Variants in PEMT observed in about 807,000 individuals in gnomAD.
PEMT encodes phosphatidylethanolamine N-methyltransferase.
Under a neutral mutation model 27.4 loss-of-function variants are expected in PEMT, and 23 were observed. The observed-to-expected ratio is 0.84, with a 90% confidence interval of 0.60 to 1.19. The LOEUF is 1.19. Among genes scored for constraint, PEMT ranks in the 50% most tolerant of loss-of-function variants. The pLI, the probability that PEMT is intolerant of heterozygous loss-of-function variation, is 0.00. For missense variants in PEMT, 307 were observed against 310.1 expected (o/e 0.99, Z 0.07); for synonymous variants, 137 against 139.1 (o/e 0.98, Z 0.11).
chr17:17,591,856 C>T, upstream of PEMT: 1 of 1,364,404 alleles, frequency 7.3e-7, no homozygotes, highest in South Asian at 1.7e-5. Flanking sequence ...CAGTGTGTTT[C>T]GCCGCAGAGC....
chr17:17,537,829 G>A (rs1051819602), intron 2 of PEMT, among the ~76,000 whole-genome samples: 6 of 152,240 alleles, frequency 3.9e-5, no homozygotes, highest in Non-Finnish European at 8.8e-5. Flanking sequence ...CCAGCATGGC[G>A]TAGAAGGCAG....
At chr17:17,588,987 T>G (rs1217622766) in intron 1 of PEMT, among the ~76,000 whole-genome samples, 5 of 152,226 alleles carry the variant, frequency 3.3e-5, no homozygotes, top group Non-Finnish European at 7.3e-5. Context: ...TGAGACAGAG[T>G]TTCGCTCTTC....
At chr17:17,555,099 G>A (rs192577847) in intron 2 of PEMT, among the ~76,000 whole-genome samples, 17 of 152,194 alleles carry the variant, frequency 1.1e-4, no homozygotes, top group Admixed American at 2.6e-4. Flanking sequence ...GGATTCTCAC[G>A]ATGATCCTAC....
At chr17:17,514,240 T>A (rs528604638) in intron 3 of PEMT, among the ~76,000 whole-genome samples, 12 of 152,350 alleles carry the variant, frequency 7.9e-5, no homozygotes, top group African/African-American at 2.9e-4. Context: ...TACAGACATG[T>A]CTTTATGCCT....
In PEMT at chr17:17,522,265, G is replaced by T; in HGVS notation, c.320+15C>A. The T allele has an allele frequency of 1.3e-6, 2 of 1,581,414 alleles. No homozygotes were observed. On this transcript the variant is annotated intron_variant, in intron 3 of 6. Coordinates refer to ENST00000255389, the MANE Select transcript of PEMT (RefSeq NM_148172.3). The stretch of plus-strand genomic sequence containing the variant: ...CCCAGGGGTTGTGGCTCCCCAGTGA[G>T]AGAGCTGTGCTTACCAGTGCGAGCG...
rs181400113 is a variant in PEMT, at chr17:17,507,279, C to T, written c.579-978G>A. On this transcript the variant is annotated intron_variant, in intron 5 of 6. Coordinates refer to ENST00000255389, the MANE Select transcript of PEMT (RefSeq NM_148172.3). ...GGAGCTGTCTGGCGGGCACAGAGGG[C>T]GCATGGGCAGGCCTGGGCCAGGGGC... 478 of 1,203,232 alleles carry T rather than the reference C, an allele frequency of 4.0e-4. 8 individuals carry two copies. The East Asian group carries it at 6.7e-3, about 17-fold the overall frequency. The allele number at this position is 1,203,232 out of a possible 1,614,324, so 74.5% of individuals were successfully genotyped here.
chr17:17,550,469 A>AC (rs935128869), intron 2 of PEMT, among the ~76,000 whole-genome samples: 165 of 151,178 alleles, frequency 1.1e-3, no homozygotes, highest in African/African-American at 3.9e-3. Context: ...CTGCTTCAGG[A>AC]CCCCCCTTCC....
At chr17:17,581,530 G>C (rs185161243) in intron 1 of PEMT, among the ~76,000 whole-genome samples, 6 of 152,326 alleles carry the variant, frequency 3.9e-5, no homozygotes, top group Non-Finnish European at 2.9e-5. Context: ...GGGAAAGTGA[G>C]CAAGAAATAT....
In PEMT at chr17:17,591,520, G is replaced by A. The variant is rs1385088353; in HGVS notation, c.96+11C>T. The A allele has an allele frequency of 6.9e-6, 11 of 1,600,270 alleles. No homozygotes were observed. Among genetic ancestry groups the A allele is most frequent in the Non-Finnish European group, 9.4e-6 (11 of 1,169,606 alleles). On this transcript the variant is annotated intron_variant, in intron 1 of 6. Transcript: ENST00000255389. ...CTCCCAGTTTCCGCGGCGGTCCGGT[G>A]CGGTCAGTACCTGTCTAAAATCAAT...
intron 2 of PEMT, among the ~76,000 whole-genome samples, chr17:17,559,441 G>A (rs1179793354): frequency 1.3e-5 from 2 of 152,228 alleles, no homozygotes; most frequent in Non-Finnish European, 2.9e-5. Context: ...GCCCCTCAGA[G>A]GCCTGTCGGG....
In PEMT at chr17:17,585,910, G is replaced by T. The variant is rs548279066; in HGVS notation, c.96+5621C>A. Among the ~76,000 whole-genome samples, 11 of 151,608 alleles carry T rather than the reference G, an allele frequency of 7.3e-5. No individual in the cohort carries two copies. The South Asian group carries it at 2.3e-3, about 32-fold the overall frequency. On this transcript the variant is annotated intron_variant, in intron 1 of 6. Coordinates refer to ENST00000255389, the MANE Select transcript of PEMT (RefSeq NM_148172.3). ...ATCCTGGCTAACACGGTGAAACCCC[G>T]TCTCTACTAAAAAATTAAAAAAATT...
At chr17:17,544,823 T>A (rs1597912971) in intron 2 of PEMT, among the ~76,000 whole-genome samples, 1 of 152,088 alleles carries the variant, frequency 6.6e-6, no homozygotes, top group Non-Finnish European at 1.5e-5. Context: ...CCATCATCCA[T>A]GTGTGAAATT....
At position 17,586,216 on chromosome 17, in the gene PEMT, AAAAGAAAGAAAGAAAGAAAG is replaced by A. The variant is rs745534134; in HGVS notation, c.96+5295_96+5314del. Among the ~76,000 whole-genome samples, 508 of 79,322 alleles carry A rather than the reference AAAAGAAAGAAAGAAAGAAAG, an allele frequency of 6.4e-3. 4 individuals are homozygous for A. The highest frequency in any genetic ancestry group is 0.022 in the African/African-American group (415 of 18,754). The allele number at this position is 79,322 out of a possible 152,430, so 52.0% of individuals were successfully genotyped here. On this transcript the variant is annotated intron_variant, in intron 1 of 6. Coordinates refer to ENST00000255389, the MANE Select transcript of PEMT (RefSeq NM_148172.3). ...AAGGAAGGAAAGAAAGAAAGAAAGA[AAAAGAAAGAAAGAAAGAAAG>A]AAAGAAAGAAAGAAAGAAAGAAAGA...
At chr17:17,591,449 T>G in intron 1 of PEMT, 82 bp downstream of exon 1, 3 of 1,177,600 alleles carry the variant, frequency 2.5e-6, no homozygotes, top group Non-Finnish European at 3.6e-6. Context: ...CCCGCAGCGT[T>G]TGAGGCGCCG....
chr17:17,564,101 G>T (rs771792760), intron 2 of PEMT, among the ~76,000 whole-genome samples: 1 of 152,212 alleles, frequency 6.6e-6, no homozygotes, highest in Non-Finnish European at 1.5e-5. Flanking sequence ...CAGCCCCAGG[G>T]CGGAGGCATG....
At position 17,582,180 on chromosome 17, in the gene PEMT, C is replaced by T. The variant is rs1363487179; in HGVS notation, c.97-5153G>A. The T allele has an allele frequency of 2.5e-6, 2 of 789,982 alleles. No homozygotes were observed. The highest frequency in any genetic ancestry group is 3.1e-6 in the Non-Finnish European group (2 of 651,468). The allele number at this position is 789,982 out of a possible 1,614,324, so 48.9% of individuals were successfully genotyped here. A position where few individuals can be genotyped will look rare whatever the true frequency, so the allele number is the denominator to read the frequency against. ...ATACAACAGAGGTCCCGGCTTTCTG[C>T]TACCCAGTAATTCTAATGGAACCCC... On this transcript the variant is annotated intron_variant, in intron 1 of 6. Coordinates refer to ENST00000255389, the MANE Select transcript of PEMT (RefSeq NM_148172.3). The surrounding 1 kb of genome is among the most constrained non-coding windows in gnomAD (Gnocchi z 4.9).
At chr17:17,517,232 CAG>C (rs1452496095) in intron 3 of PEMT, among the ~76,000 whole-genome samples, 3 of 152,198 alleles carry the variant, frequency 2.0e-5, no homozygotes, top group African/African-American at 7.2e-5. Flanking sequence ...CTCCTGGACA[CAG>C]AAACTGTCAC....
intron 2 of PEMT, among the ~76,000 whole-genome samples, chr17:17,544,072 G>C (rs887497331): frequency 6.6e-6 from 1 of 152,026 alleles, no homozygotes; most frequent in African/African-American, 2.4e-5. Context: ...GGTCGGTGAG[G>C]GGGGCACTGG....
intron 2 of PEMT, among the ~76,000 whole-genome samples, chr17:17,543,563 T>C (rs1343933071): frequency 6.6e-6 from 1 of 151,826 alleles, no homozygotes; most frequent in African/African-American, 2.4e-5. Context: ...AAAATCCAGC[T>C]TGTGCTTTTT....
Sources: gnomAD v4.1 joint callset for allele counts (sites outside exome capture counted in the v4.1 genomes callset) on GRCh38, gnomAD v4.1.1 for gene constraint, Gnocchi (gnomAD v3.1) non-coding constraint, MANE v1.5 for transcripts, NCBI Gene and HGNC (gene_info 2026-07-23, HGNC 2026-07-21) for gene names.